Variants in TRHDE observed in about 807,000 individuals in gnomAD.
TRHDE encodes the protein thyrotropin releasing hormone degrading enzyme.
In TRHDE, 72 loss-of-function variants were observed where a neutral mutation model predicts 125.7. The observed-to-expected ratio is 0.57, with a 90% CI of 0.47 to 0.70. TRHDE has a LOEUF of 0.70. Among genes scored for constraint, TRHDE ranks in the 30% least tolerant of loss-of-function variants. The pLI is 0.00. For synonymous variants in TRHDE, 509 were observed against 509.1 expected, an observed-to-expected ratio of 1.00 and a Z score of 0.00; for missense variants, 1,110 against 1,327.1, an observed-to-expected ratio of 0.84 and a Z score of 2.54.
rs538823843 is a variant in TRHDE at position 72,564,653 on chromosome 12, A to ATTTTTTTTTTTTTTTT, written c.2042+1630_2042+1645dup. 9.9e-4 allele frequency among the ~76,000 whole-genome samples: 54 copies of ATTTTTTTTTTTTTTTT among 54,316 alleles called. 12 individuals carry two copies. Among genetic ancestry groups the ATTTTTTTTTTTTTTTT allele is most frequent in the East Asian group, 2.5e-3 (4 of 1,594 alleles). 35.6% of individuals were successfully genotyped at this position (54,316 alleles called of 152,430 possible). A position where few individuals can be genotyped will look rare whatever the true frequency, so the allele number is the denominator to read the frequency against. The stretch of plus-strand genomic sequence containing the variant: ...TGGAATTATAAAATCATGCGTATGA[A>ATTTTTTTTTTTTTTTT]TTTTTTTTTTTTTTTTTTTTTTTTT... On this transcript the variant is annotated intron_variant, in intron 9 of 18. Transcript: ENST00000261180.
chr12:72,275,577 T>C (rs1429561213), intron 1 of TRHDE, among the ~76,000 whole-genome samples: 4 of 152,194 alleles, frequency 2.6e-5, no homozygotes, highest in Non-Finnish European at 4.4e-5. Context: ...TAGGTCAAAA[T>C]GTCAATAGTG....
At chr12:72,166,490 C>G (rs1321273130) in intron 2 of TRHDE, among the ~76,000 whole-genome samples, 2 of 152,180 alleles carry the variant, frequency 1.3e-5, no homozygotes, top group Non-Finnish European at 2.9e-5. Flanking sequence ...CTATGAGACT[C>G]TAGCAGGGAC....
chr12:72,272,170 G>T (rs778836362), upstream of TRHDE: 4 of 456,218 alleles, frequency 8.8e-6, no homozygotes, highest in South Asian at 1.6e-5. This position sits in a 1 kb window ranked among gnomAD's most constrained non-coding sequence, Gnocchi z 6.7. Context: ...CCGCTGGAGT[G>T]GGGGGAGAAA....
intron 2 of TRHDE, among the ~76,000 whole-genome samples, chr12:72,289,361 A>G (rs1242836170): frequency 6.6e-6 from 1 of 152,170 alleles, no homozygotes; most frequent in Non-Finnish European, 1.5e-5. Context: ...GCAAGGCACT[A>G]TTCTAAGTAA....
At chr12:72,316,277 G>T (rs181215826) in intron 2 of TRHDE, among the ~76,000 whole-genome samples, 7 of 152,234 alleles carry the variant, frequency 4.6e-5, no homozygotes, top group Non-Finnish European at 2.9e-5. Flanking sequence ...TGACTTTGGG[G>T]TAGTTACTTA....
intron 2 of TRHDE, among the ~76,000 whole-genome samples, chr12:72,157,168 C>T (rs570191707): frequency 1.2e-4 from 18 of 150,490 alleles, no homozygotes; most frequent in Middle Eastern, 3.4e-3. Flanking sequence ...AGTGCAGTGG[C>T]GTGATCTCAG....
intron 7 of TRHDE, among the ~76,000 whole-genome samples, chr12:72,544,956 C>T (rs937989878): frequency 6.6e-6 from 1 of 151,312 alleles, no homozygotes; most frequent in Non-Finnish European, 1.5e-5. Flanking sequence ...CAGGAAGAGA[C>T]TCTAGAGGCT....
At chr12:72,415,072 AT>A (rs1205489550) in intron 3 of TRHDE, among the ~76,000 whole-genome samples, 7 of 152,034 alleles carry the variant, frequency 4.6e-5, no homozygotes, top group Non-Finnish European at 1.0e-4. Context: ...GTATTTTAGT[AT>A]TTTGGAAGTG....
Position 72,469,988 on chromosome 12 carries a change from TA to T in TRHDE, c.1470+79del, listed in dbSNP as rs142297283. ...GATTTTGAATACCTACATTAAGAGC[TA>T]AATTATTATCCTCCCAAAGAAGTTT... On this transcript the variant is annotated intron_variant, in intron 4 of 18. Coordinates refer to ENST00000261180, the MANE Select transcript of TRHDE (RefSeq NM_013381.3). The T allele has an allele frequency of 1.3e-3, 1,912 of 1,421,664 alleles. 18 individuals carry two copies. In the African/African-American group the frequency reaches 0.024, roughly 18 times the overall value. The allele number at this position is 1,421,664 out of a possible 1,614,324, so 88.1% of individuals were successfully genotyped here. A position where few individuals can be genotyped will look rare whatever the true frequency, so the allele number is the denominator to read the frequency against.
At chr12:72,514,796 C>A (rs1418810870) in intron 6 of TRHDE, among the ~76,000 whole-genome samples, 1 of 107,262 alleles carries the variant, frequency 9.3e-6, no homozygotes, top group South Asian at 3.9e-4. Flanking sequence ...CCTCCCCCCA[C>A]CCCAGAACAG....
At chr12:72,423,825 A>T (rs2135830355) in intron 3 of TRHDE, among the ~76,000 whole-genome samples, 1 of 152,132 alleles carries the variant, frequency 6.6e-6, no homozygotes, top group East Asian at 1.9e-4. Context: ...GAGGAATCAG[A>T]GAGGCAATGT....
rs1877575177 is a variant in TRHDE at position 72,489,738 on chromosome 12, T to C, written c.1585-9760T>C. ...TCACAATGCCACCAAGAAGACACGA[T>C]GAGAAAAAGATTGTGTCTTTAATAC... On this transcript the variant is annotated intron_variant, in intron 5 of 18. Coordinates refer to ENST00000261180, the MANE Select transcript of TRHDE (RefSeq NM_013381.3). 2.7e-5 allele frequency among the ~76,000 whole-genome samples: 4 copies of C among 149,908 alleles called. 1 individual carries two copies. The South Asian group carries it at 8.7e-4, about 32-fold the overall frequency.
chr12:72,279,650 G>C (rs748350983), intron 1 of TRHDE, among the ~76,000 whole-genome samples: 17 of 152,200 alleles, frequency 1.1e-4, no homozygotes, highest in South Asian at 6.2e-4. Context: ...AGGCACAGCT[G>C]TATGGTGGTG....
chr12:72,550,932 T>C (rs1372599942), intron 7 of TRHDE, among the ~76,000 whole-genome samples: 1 of 151,986 alleles, frequency 6.6e-6, no homozygotes, highest in East Asian at 1.9e-4. Flanking sequence ...GTATACATTA[T>C]ATCATAAATG....
At chr12:72,202,792 G>C (rs745958853) in intron 2 of TRHDE, among the ~76,000 whole-genome samples, 1 of 151,870 alleles carries the variant, frequency 6.6e-6, no homozygotes, top group Non-Finnish European at 1.5e-5. Flanking sequence ...ATGTCCATTA[G>C]GTTAGACATT....
chr12:72,197,032 T>C (rs1211976216), intron 2 of TRHDE, among the ~76,000 whole-genome samples: 1 of 152,152 alleles, frequency 6.6e-6, no homozygotes, highest in Non-Finnish European at 1.5e-5. Context: ...ACCTCCACAT[T>C]GCAAAATTCA....
chr12:72,579,299 AC>A (rs1871138951), intron 12 of TRHDE, among the ~76,000 whole-genome samples: 1 of 151,998 alleles, frequency 6.6e-6, no homozygotes, highest in Non-Finnish European at 1.5e-5. Context: ...TATTTTTTAA[AC>A]TTTTGACAGT....
chr12:72,490,035 C>G (rs1300703690), intron 5 of TRHDE, among the ~76,000 whole-genome samples: 1 of 151,466 alleles, frequency 6.6e-6, no homozygotes, highest in East Asian at 1.9e-4. Flanking sequence ...GCAAAGGAAA[C>G]AACAAAATAA....
At position 72,382,084 on chromosome 12, in the gene TRHDE, G is replaced by A. The variant is rs541834753; in HGVS notation, c.1315+3963G>A. On this transcript the variant is annotated intron_variant, in intron 3 of 18. Transcript: ENST00000261180. The stretch of plus-strand genomic sequence containing the variant: ...GCTCAGAGGTTAAAGACTCCTAGGA[G>A]TCAGAAACGACTACTGAGCGGGAGC... Among the ~76,000 whole-genome samples the A allele has an allele frequency of 1.4e-4, 22 of 152,308 alleles. 1 individual carries two copies. In the South Asian group the frequency reaches 4.4e-3, roughly 30 times the overall value.
Sources: gnomAD v4.1 joint callset for allele counts (sites outside exome capture counted in the v4.1 genomes callset) on GRCh38, gnomAD v4.1.1 for gene constraint, Gnocchi (gnomAD v3.1) non-coding constraint, MANE v1.5 for transcripts, NCBI Gene and HGNC (gene_info 2026-07-23, HGNC 2026-07-21) for gene names.